Variants in SH3BGR observed in about 807,000 individuals in gnomAD.
SH3BGR encodes SH3 domain binding glutamate rich protein, also known as SH3 domain-binding glutamic acid-rich protein.
Under a neutral mutation model 24.5 loss-of-function variants are expected in SH3BGR, and 29 were observed. The ratio of observed to expected loss-of-function variants is 1.18; its 90% CI spans 0.88 to 1.61. The LOEUF is 1.61. Ranked by LOEUF, SH3BGR falls within the 40% of genes most tolerant of loss-of-function variation. SH3BGR has a pLI of 0.00. For synonymous variants in SH3BGR, 55 were observed against 65.7 expected (o/e 0.84, Z 0.79); for missense variants, 162 against 205.8 (o/e 0.79, Z 1.30).
rs1274474061 is a variant in SH3BGR, at chr21:39,511,155, T to C, written c.436-525T>C. On this transcript the variant is annotated intron_variant, in intron 5 of 6. Transcript: ENST00000333634. The surrounding 1 kb of genome is among the most constrained non-coding windows in gnomAD (Gnocchi z 4.2). ...TGTGTGGTGTGTTGTATGTGTGGTG[T>C]ATGTGTATTTGTGTGTGGTGTATAT... 6.6e-6 allele frequency among the ~76,000 whole-genome samples: 1 copy of C among 150,868 alleles called. No individual in the cohort carries two copies. Among genetic ancestry groups the C allele is most frequent in the Non-Finnish European group, 1.5e-5 (1 of 67,678 alleles).
intron 3 of SH3BGR, among the ~76,000 whole-genome samples, chr21:39,485,397 A>C (rs892614250): frequency 6.6e-6 from 1 of 152,234 alleles, no homozygotes; most frequent in Non-Finnish European, 1.5e-5. Context: ...GATTCATTTC[A>C]GCTTACAAAA....
chr21:39,504,495 C>A (rs368922956), intron 4 of SH3BGR, among the ~76,000 whole-genome samples: 19 of 152,352 alleles, frequency 1.2e-4, no homozygotes, highest in African/African-American at 4.6e-4. Flanking sequence ...CACGCACCAC[C>A]TCTGCAGTCT....
At chr21:39,468,584 G>T (rs1195520253) in intron 2 of SH3BGR, among the ~76,000 whole-genome samples, 4 of 152,084 alleles carry the variant, frequency 2.6e-5, no homozygotes, top group Admixed American at 6.5e-5. Context: ...GACTATAGGT[G>T]TGCAGCACCA....
chr21:39,508,163 A>G (rs1325562351), intron 4 of SH3BGR, among the ~76,000 whole-genome samples: 1 of 152,214 alleles, frequency 6.6e-6, no homozygotes, highest in Non-Finnish European at 1.5e-5. Context: ...CCCCCCGTCC[A>G]TGATTCCCTG....
At chr21:39,505,217 T>C (rs577876518) in intron 4 of SH3BGR, among the ~76,000 whole-genome samples, 33 of 152,318 alleles carry the variant, frequency 2.2e-4, no homozygotes, top group African/African-American at 7.5e-4. Context: ...ATGGGCAGAT[T>C]GAGTGCTGCC....
At chr21:39,510,555 C>T (rs1042151495) in intron 5 of SH3BGR, among the ~76,000 whole-genome samples, 1 of 151,790 alleles carries the variant, frequency 6.6e-6, no homozygotes, top group Non-Finnish European at 1.5e-5. Flanking sequence ...GGGAGGTAGT[C>T]AGTACAGATC....
In SH3BGR at chr21:39,511,244, G is replaced by A. The variant is rs955503420; in HGVS notation, c.436-436G>A. Among the ~76,000 whole-genome samples, 10 of 149,832 alleles carry A rather than the reference G, an allele frequency of 6.7e-5. No individual in the cohort carries two copies. Among genetic ancestry groups the A allele is most frequent in the Admixed American group, 3.3e-4 (5 of 14,942 alleles). On this transcript the variant is annotated intron_variant, in intron 5 of 6. Transcript: ENST00000333634. This position sits in a 1 kb window ranked among gnomAD's most constrained non-coding sequence, Gnocchi z 4.2. ...GTTATGGTGTGTATGTTATGGTGTG[G>A]AGGGTATGTATGTGTATGTGTGATG...
intron 3 of SH3BGR, among the ~76,000 whole-genome samples, chr21:39,487,790 A>G (rs1207311473): frequency 1.3e-5 from 2 of 152,214 alleles, no homozygotes; most frequent in Non-Finnish European, 2.9e-5. Flanking sequence ...GCGAGTGCCT[A>G]TTGAAAGCAT....
chr21:39,506,593 A>G (rs1363762636), intron 4 of SH3BGR, among the ~76,000 whole-genome samples: 1 of 152,226 alleles, frequency 6.6e-6, no homozygotes, highest in African/African-American at 2.4e-5. Context: ...GTGGCAAACA[A>G]GAGGGCTTGT....
intron 6 of SH3BGR, among the ~76,000 whole-genome samples, chr21:39,512,268 C>T (rs182629396): frequency 1.3e-5 from 2 of 152,208 alleles, no homozygotes; most frequent in East Asian, 3.9e-4. Context: ...CTTAAAAAAT[C>T]ACAAAGCTGG....
intron 3 of SH3BGR, among the ~76,000 whole-genome samples, chr21:39,493,681 ATTGAAT>A (rs1179988912): frequency 6.6e-6 from 1 of 152,118 alleles, no homozygotes; most frequent in Non-Finnish European, 1.5e-5. Context: ...TGGGAATTGC[ATTGAAT>A]TTGTAGATTG....
Position 39,507,805 on chromosome 21 carries a change from A to G in SH3BGR, c.406-1193A>G, listed in dbSNP as rs543428362. On this transcript the variant is annotated intron_variant, in intron 4 of 6. Transcript: ENST00000333634. ...CTAATTTTTAACATGTTTCATAGAGATGGGGGCGTCTTGCTATGTTGCCCA... is the reference window on the plus strand; with the variant it reads ...CTAATTTTTAACATGTTTCATAGAGGTGGGGGCGTCTTGCTATGTTGCCCA... Among the ~76,000 whole-genome samples the G allele has an allele frequency of 1.6e-4, 25 of 151,526 alleles. No homozygotes were observed. In the East Asian group the frequency reaches 4.9e-3, roughly 30 times the overall value.
intron 2 of SH3BGR, among the ~76,000 whole-genome samples, chr21:39,462,943 G>T (rs774945185): frequency 6.6e-6 from 1 of 152,200 alleles, no homozygotes; most frequent in East Asian, 1.9e-4. Context: ...GAGTGTAGTG[G>T]TGCAATCATG....
At chr21:39,494,060 C>G (rs1388717168) in intron 3 of SH3BGR, among the ~76,000 whole-genome samples, 2 of 152,028 alleles carry the variant, frequency 1.3e-5, no homozygotes, top group Non-Finnish European at 2.9e-5. Context: ...CTTAACATCT[C>G]ACAGTCTACT....
At chr21:39,486,575 A>C (rs908178516) in intron 3 of SH3BGR, among the ~76,000 whole-genome samples, 1 of 152,208 alleles carries the variant, frequency 6.6e-6, no homozygotes, top group Non-Finnish European at 1.5e-5. Context: ...GGAATTCCCA[A>C]TCGAAAAACA....
chr21:39,494,936 T>G (rs1386749388), intron 3 of SH3BGR, among the ~76,000 whole-genome samples: 1 of 152,174 alleles, frequency 6.6e-6, no homozygotes, highest in Non-Finnish European at 1.5e-5. Flanking sequence ...TTCTATTGAT[T>G]TATTTTAAGT....
At chr21:39,500,551 T>A (rs1348990884) in intron 4 of SH3BGR, among the ~76,000 whole-genome samples, 1 of 151,932 alleles carries the variant, frequency 6.6e-6, no homozygotes, top group South Asian at 2.1e-4. Context: ...ATGGGCCACT[T>A]CTTCAAGGAG....
intron 2 of SH3BGR, among the ~76,000 whole-genome samples, chr21:39,472,045 C>A (rs764487622): frequency 6.6e-6 from 1 of 152,078 alleles, no homozygotes; most frequent in Non-Finnish European, 1.5e-5. Context: ...TCTGTTATTT[C>A]TTCATGCTCT....
chr21:39,465,999 C>T (rs2077835369), intron 2 of SH3BGR, among the ~76,000 whole-genome samples: 1 of 152,190 alleles, frequency 6.6e-6, no homozygotes, highest in African/African-American at 2.4e-5. Flanking sequence ...CCCTTACAAA[C>T]AGTGCTGTAG....
Sources: gnomAD v4.1 joint callset for allele counts (sites outside exome capture counted in the v4.1 genomes callset) on GRCh38, gnomAD v4.1.1 for gene constraint, Gnocchi (gnomAD v3.1) non-coding constraint, MANE v1.5 for transcripts, NCBI Gene and HGNC (gene_info 2026-07-23, HGNC 2026-07-21) for gene names.